The following OSBPL9 variants were observed in gnomAD, a reference collection of about 807,000 sequenced individuals.
OSBPL9 encodes the protein oxysterol binding protein like 9, also known as oxysterol-binding protein-related protein 9.
A neutral mutation model predicts 106.6 loss-of-function variants in OSBPL9; 40 were observed. The observed-to-expected ratio is 0.38, with a 90% confidence interval of 0.29 to 0.49. The LOEUF is 0.49. Ranked by LOEUF, OSBPL9 falls within the 20% of genes least tolerant of loss-of-function variation. The pLI is 0.97. For missense variants in OSBPL9, 609 were observed against 887.2 expected (o/e 0.69, Z 3.98); for synonymous variants, 269 against 295.4 (o/e 0.91, Z 0.92).
intron 3 of OSBPL9, among the ~76,000 whole-genome samples, chr1:51,687,009 A>G (rs1653955891): frequency 6.6e-6 from 1 of 152,230 alleles, no homozygotes; most frequent in Non-Finnish European, 1.5e-5. Flanking sequence ...AGATTAGAGA[A>G]ATGCATATAA....
At chr1:51,579,055 ATTT>A (rs560800594) in intron 1 of OSBPL9, among the ~76,000 whole-genome samples, 2 of 139,374 alleles carry the variant, frequency 1.4e-5, no homozygotes, top group African/African-American at 5.3e-5. Context: ...CTTCAGCAGA[ATTT>A]TTTTTTTTTT....
chr1:51,638,307 A>G lies in OSBPL9; in HGVS notation c.112-13684A>G, dbSNP rs12082715. Among the ~76,000 whole-genome samples, 678 of 152,266 alleles carry G rather than the reference A, an allele frequency of 4.5e-3. 7 individuals carry two copies. Among genetic ancestry groups the G allele is most frequent in the African/African-American group, 0.015 (640 of 41,538 alleles). On this transcript the variant is annotated intron_variant, in intron 1 of 23. Transcript: ENST00000428468. The stretch of plus-strand genomic sequence containing the variant: ...TCTCCATTATTGTGAGTCTGTGACT[A>G]CTCAAGAGTTTTTGTTGGTGTAGCT...
At chr1:51,779,419 TAAATC>T (rs1675802950) in intron 15 of OSBPL9, among the ~76,000 whole-genome samples, 1 of 152,170 alleles carries the variant, frequency 6.6e-6, no homozygotes, top group African/African-American at 2.4e-5. Context: ...ATCAGAGACT[TAAATC>T]TAAGACCTAA....
rs147295538 is a variant in OSBPL9 at position 51,625,482 on chromosome 1, T to C, written c.111+8261T>C. On this transcript the variant is annotated intron_variant, in intron 1 of 23. Transcript: ENST00000428468. ...CAAAGAAATGGCCACCCCAATCAAT[T>C]GTTTCCTTCTCATTTATTTAATTGT... 2.4e-3 allele frequency among the ~76,000 whole-genome samples: 359 copies of C among 152,216 alleles called. 1 individual carries two copies. The highest frequency in any genetic ancestry group is 8.3e-3 in the African/African-American group (344 of 41,514).
At chr1:51,671,977 T>C (rs546699764) in intron 3 of OSBPL9, among the ~76,000 whole-genome samples, 1 of 152,308 alleles carries the variant, frequency 6.6e-6, no homozygotes, top group East Asian at 1.9e-4. Context: ...GAAGAACAGC[T>C]AGAGGTCAGC....
At chr1:51,543,498 C>A in the OSBPL9 span, among the ~76,000 whole-genome samples, 1 of 152,136 alleles carries the variant, frequency 6.6e-6, no homozygotes, top group African/African-American at 2.4e-5. Context: ...TGGGTTCAAT[C>A]GATTCTCCTG....
chr1:51,720,513 G>A (rs555448302), intron 4 of OSBPL9, among the ~76,000 whole-genome samples: 2 of 151,714 alleles, frequency 1.3e-5, no homozygotes, highest in Non-Finnish European at 2.9e-5. Flanking sequence ...TTTAGTAGAG[G>A]CGGGGTCTCA....
At chr1:51,589,553 C>T (rs1415992917) in intron 1 of OSBPL9, among the ~76,000 whole-genome samples, 1 of 151,986 alleles carries the variant, frequency 6.6e-6, no homozygotes, top group Admixed American at 6.6e-5. Context: ...AGAAAATCCC[C>T]TCTAAGAAGA....
In OSBPL9 at chr1:51,788,104, G is replaced by A; in HGVS notation, c.*315G>A. The A allele has an allele frequency of 6.0e-6, 2 of 334,800 alleles. No homozygotes were observed. Among genetic ancestry groups the A allele is most frequent in the Non-Finnish European group, 1.1e-5 (2 of 179,180 alleles). 20.7% of individuals were successfully genotyped at this position (334,800 alleles called of 1,614,324 possible). On this transcript the variant is annotated 3_prime_UTR_variant, in exon 24 of 24. Coordinates refer to ENST00000428468, the MANE Select transcript of OSBPL9 (RefSeq NM_024586.6). Reference sequence around the variant, plus strand: ...TCCAAGTCTGAAACTCTGCGCTCTAGTACTGCTGTTAAGATACACAACTTG... The same window carrying A: ...TCCAAGTCTGAAACTCTGCGCTCTAATACTGCTGTTAAGATACACAACTTG...
At chr1:51,708,908 C>A (rs1659200797) in intron 3 of OSBPL9, among the ~76,000 whole-genome samples, 1 of 152,262 alleles carries the variant, frequency 6.6e-6, no homozygotes, top group Admixed American at 6.5e-5. Flanking sequence ...TCCATTTTCC[C>A]TTTTCCAATC....
At chr1:51,722,322 A>G (rs1046048658) in intron 4 of OSBPL9, among the ~76,000 whole-genome samples, 10 of 152,252 alleles carry the variant, frequency 6.6e-5, no homozygotes, top group Non-Finnish European at 1.5e-4. Flanking sequence ...TTTTCAGAAT[A>G]AAGTGACCAA....
the OSBPL9 span, among the ~76,000 whole-genome samples, chr1:51,568,244 C>T: frequency 1.6e-4 from 24 of 152,324 alleles, no homozygotes; most frequent in African/African-American, 5.5e-4. Flanking sequence ...TGACCAAACC[C>T]AACCAGAAAC....
intron 3 of OSBPL9, among the ~76,000 whole-genome samples, chr1:51,684,124 G>GT (rs1248297106): frequency 6.6e-6 from 1 of 152,150 alleles, no homozygotes; most frequent in East Asian, 1.9e-4. Context: ...CCACCTCAGA[G>GT]TCCTGAGTAG....
chr1:51,669,403 C>T (rs750209459), intron 2 of OSBPL9, 31 bp from the exon 3 acceptor site: 3 of 1,593,758 alleles, frequency 1.9e-6, no homozygotes, highest in Admixed American at 3.3e-5. Context: ...TCATTGTTTG[C>T]CTTATTGGGA....
intron 1 of OSBPL9, among the ~76,000 whole-genome samples, chr1:51,632,334 T>A (rs1255310670): frequency 6.6e-6 from 1 of 152,208 alleles, no homozygotes; most frequent in Non-Finnish European, 1.5e-5. Context: ...TCCATTATAA[T>A]CTTACAAACA....
At chr1:51,554,499 C>T in the OSBPL9 span, among the ~76,000 whole-genome samples, 1 of 152,244 alleles carries the variant, frequency 6.6e-6, no homozygotes, top group Admixed American at 6.5e-5. Flanking sequence ...AATTTCAGTT[C>T]CTACACCTGA....
the OSBPL9 span, among the ~76,000 whole-genome samples, chr1:51,542,625 C>T: frequency 3.3e-5 from 5 of 152,342 alleles, no homozygotes; most frequent in African/African-American, 1.2e-4. Flanking sequence ...ATGTGCCAGG[C>T]ACTCTACTTT....
intron 2 of OSBPL9, among the ~76,000 whole-genome samples, chr1:51,608,677 TGG>T (rs72228350): frequency 1.1e-4 from 15 of 140,586 alleles, no homozygotes; most frequent in South Asian, 2.4e-4. Flanking sequence ...ATTCCTGGAT[TGG>T]GGGGGGGGGC....
intron 3 of OSBPL9, among the ~76,000 whole-genome samples, chr1:51,682,709 A>T (rs1652842598): frequency 1.3e-5 from 2 of 151,590 alleles, no homozygotes; most frequent in African/African-American, 4.9e-5. Context: ...GTGAGCCGAG[A>T]TCACACCATT....
Sources: allele counts gnomAD v4.1 joint callset (sites outside exome capture counted in the v4.1 genomes callset), GRCh38; gene constraint gnomAD v4.1.1; transcripts MANE v1.5; gene names NCBI Gene and HGNC (gene_info 2026-07-23, HGNC 2026-07-21).